SH3PXD2B: variants seen among roughly 807,000 people sequenced by gnomAD.
The protein encoded by SH3PXD2B is SH3 and PX domain-containing protein 2B.
Under a neutral mutation model 73.1 loss-of-function variants are expected in SH3PXD2B, and 37 were observed. The ratio of observed to expected loss-of-function variants is 0.51; its 90% CI spans 0.39 to 0.67. The LOEUF (loss-of-function observed/expected upper bound fraction) is 0.67, where lower values mean the gene tolerates loss of function less well. Ranked by LOEUF, SH3PXD2B falls within the 30% of genes least tolerant of loss-of-function variation. The pLI, the probability that SH3PXD2B is intolerant of heterozygous loss-of-function variation, is 0.00. For synonymous variants in SH3PXD2B, 457 were observed against 480.5 expected (o/e 0.95, Z 0.64); for missense variants, 1,053 against 1,197.8 (o/e 0.88, Z 1.78).
intron 2 of SH3PXD2B, among the ~76,000 whole-genome samples, chr5:172,410,753 A>T (rs1231943027): frequency 6.6e-6 from 1 of 152,256 alleles, no homozygotes; most frequent in Non-Finnish European, 1.5e-5. Flanking sequence ...AGTAATCACA[A>T]CTAACACGTA....
chr5:172,449,532 G>A (rs540932576), intron 1 of SH3PXD2B, among the ~76,000 whole-genome samples: 6 of 152,238 alleles, frequency 3.9e-5, no homozygotes, highest in Non-Finnish European at 7.4e-5. Flanking sequence ...AATAAATCCC[G>A]CCAATCAATA....
intron 2 of SH3PXD2B, among the ~76,000 whole-genome samples, chr5:172,411,152 C>T (rs1758681731): frequency 6.6e-6 from 1 of 152,122 alleles, no homozygotes; most frequent in Non-Finnish European, 1.5e-5. Context: ...ACACTATCTA[C>T]TTTTTCCCTT....
intron 4 of SH3PXD2B, among the ~76,000 whole-genome samples, chr5:172,393,872 A>T (rs541651248): frequency 6.6e-6 from 1 of 152,290 alleles, no homozygotes; most frequent in Non-Finnish European, 1.5e-5. Context: ...ATCAAACAAC[A>T]GGGATTGGCT....
chr5:172,348,642 CTATCTATCTATCCTATCTATCTATCTAT>C (rs1757057460), intron 10 of SH3PXD2B, among the ~76,000 whole-genome samples: 1 of 67,502 alleles, frequency 1.5e-5, no homozygotes, highest in Non-Finnish European at 2.8e-5. Flanking sequence ...ATCTATGTAT[CTATCTATCTATCCTATCTATCTATCTAT>C]CTATCTATCT....
chr5:172,333,021 C>T (rs770976618), downstream of SH3PXD2B, among the ~76,000 whole-genome samples: 9 of 151,754 alleles, frequency 5.9e-5, no homozygotes, highest in Admixed American at 4.6e-4. Context: ...CTGCAACCTC[C>T]GCCTCCCGGG....
chr5:172,350,018 C>T (rs1431397000), intron 10 of SH3PXD2B, among the ~76,000 whole-genome samples: 1 of 152,122 alleles, frequency 6.6e-6, no homozygotes, highest in Admixed American at 6.5e-5. Context: ...CCACGCCTGG[C>T]TAATTTTTGT....
At chr5:172,399,240 G>A (rs950277959) in intron 3 of SH3PXD2B, among the ~76,000 whole-genome samples, 1 of 152,250 alleles carries the variant, frequency 6.6e-6, no homozygotes, top group Middle Eastern at 3.4e-3. Context: ...GTGGTCCCTC[G>A]ATTAACCAAA....
In SH3PXD2B at chr5:172,368,514, A is replaced by ATATATATATT. The variant is rs1757592872; in HGVS notation, c.427+5275_427+5276insAATATATATA. On this transcript the variant is annotated intron_variant, in intron 6 of 12. Transcript: ENST00000311601. ...ATATATATTATATATATATATATAA[A>ATATATATATT]ATATATATATATTATATATATATAT... 3.7e-4 allele frequency among the ~76,000 whole-genome samples: 8 copies of ATATATATATT among 21,750 alleles called. 1 individual carries two copies. Among genetic ancestry groups the ATATATATATT allele is most frequent in the Non-Finnish European group, 4.6e-4 (7 of 15,054 alleles). The allele number at this position is 21,750 out of a possible 152,430, so 14.3% of individuals were successfully genotyped here. A position where few individuals can be genotyped will look rare whatever the true frequency, so the allele number is the denominator to read the frequency against.
chr5:172,432,690 A>G (rs1759276737), intron 1 of SH3PXD2B, among the ~76,000 whole-genome samples: 1 of 152,086 alleles, frequency 6.6e-6, no homozygotes, highest in African/African-American at 2.4e-5. Flanking sequence ...GCCGAGGCAG[A>G]TGGATCACCT....
intron 4 of SH3PXD2B, among the ~76,000 whole-genome samples, chr5:172,382,511 G>T (rs1757971861): frequency 6.6e-6 from 1 of 151,762 alleles, no homozygotes; most frequent in African/African-American, 2.4e-5. Flanking sequence ...CTGAGGATGT[G>T]CATTTCTAAA....
At chr5:172,453,934 A>T (rs1478769666) in intron 1 of SH3PXD2B, among the ~76,000 whole-genome samples, 1 of 152,170 alleles carries the variant, frequency 6.6e-6, no homozygotes, top group East Asian at 1.9e-4. Flanking sequence ...TTTCTGTCTC[A>T]GACCCCTCAC....
intron 1 of SH3PXD2B, among the ~76,000 whole-genome samples, chr5:172,434,782 G>GTTTTTGTTTTTTTTTTTT (rs1554087271): frequency 1.5e-5 from 1 of 66,348 alleles, no homozygotes; most frequent in African/African-American, 4.6e-5. Context: ...ATGGCCAATG[G>GTTTTTGTTTTTTTTTTTT]TTTTTTTTTT....
At position 172,454,419 on chromosome 5, in the gene SH3PXD2B, G is replaced by A. The variant is rs139600850; in HGVS notation, c.-67C>T. 0.34 allele frequency: 359,665 copies of A among 1,057,384 alleles called. 62,560 individuals carry two copies. Among genetic ancestry groups the A allele is most frequent in the Non-Finnish European group, 0.36 (307,306 of 847,712 alleles). The allele number at this position is 1,057,384 out of a possible 1,614,324, so 65.5% of individuals were successfully genotyped here. A position where few individuals can be genotyped will look rare whatever the true frequency, so the allele number is the denominator to read the frequency against. ...TGGCGCGGGGTGCAGGGAGCGCTGG[G>A]GGCGCGCCGCCGCGGGCAGGGAACC... On this transcript the variant is annotated 5_prime_UTR_variant, in exon 1 of 13. Coordinates refer to ENST00000311601, the MANE Select transcript of SH3PXD2B (RefSeq NM_001017995.3).
rs539935307 is a variant in SH3PXD2B, at chr5:172,363,049, T to G, written c.428-180A>C. ...TCATGTGCTTACTCAACCACCAAAA[T>G]TGACCAAGTGCTATTTGCAGGCACT... is the stretch of plus-strand genomic sequence containing the variant. On this transcript the variant is annotated intron_variant, in intron 6 of 12. Transcript: ENST00000311601. Among the ~76,000 whole-genome samples, 7 of 152,294 alleles carry G rather than the reference T, an allele frequency of 4.6e-5. No individual in the cohort carries two copies. In the South Asian group the frequency reaches 1.5e-3, roughly 32 times the overall value.
intron 12 of SH3PXD2B, among the ~76,000 whole-genome samples, chr5:172,327,647 G>A (rs1468613324): frequency 6.6e-6 from 1 of 152,090 alleles, no homozygotes; most frequent in East Asian, 1.9e-4. Context: ...GGAGTACAGT[G>A]GTATGATTAT....
intron 2 of SH3PXD2B, among the ~76,000 whole-genome samples, chr5:172,419,262 A>C (rs871573): frequency 0.46 from 70,632 of 151,974 alleles, 17,217 homozygotes; most frequent in East Asian, 0.7. Context: ...CAGGGCCTGG[A>C]CGCGTGCCTC....
chr5:172,383,159 A>G (rs1413287178), intron 4 of SH3PXD2B, among the ~76,000 whole-genome samples: 2 of 152,174 alleles, frequency 1.3e-5, no homozygotes, highest in African/African-American at 2.4e-5. Flanking sequence ...ATGCTCACAT[A>G]TATGTCTTAA....
intron 4 of SH3PXD2B, among the ~76,000 whole-genome samples, chr5:172,387,668 A>G (rs1758088836): frequency 6.6e-6 from 1 of 152,238 alleles, no homozygotes; most frequent in South Asian, 2.1e-4. Flanking sequence ...CTGGGATTTC[A>G]AGGAGCTTCC....
intron 12 of SH3PXD2B, 85 bp from the exon 13 acceptor site, chr5:172,340,001 G>A (rs1756817359): frequency 6.3e-7 from 1 of 1,579,620 alleles, no homozygotes; most frequent in Non-Finnish European, 8.6e-7. Flanking sequence ...TGTGCAACTG[G>A]AGCTCTAGAA....
Sources: gnomAD v4.1 joint callset for allele counts (sites outside exome capture counted in the v4.1 genomes callset) on GRCh38, gnomAD v4.1.1 for gene constraint, MANE v1.5 for transcripts, NCBI Gene and HGNC (gene_info 2026-07-23, HGNC 2026-07-21) for gene names.